PARP8: variants seen among roughly 807,000 people sequenced by gnomAD.
The protein encoded by PARP8 is poly(ADP-ribose) polymerase family member 8.
In PARP8, 51 loss-of-function variants were observed where a neutral mutation model predicts 124.1. The ratio of observed to expected loss-of-function variants is 0.41; its 90% confidence interval spans 0.33 to 0.52. The LOEUF is 0.52. Among genes scored for constraint, PARP8 ranks in the 20% least tolerant of loss-of-function variants. The pLI is 0.21. For missense variants in PARP8, 860 were observed against 1,018.9 expected (o/e 0.84, Z 2.12); for synonymous variants, 391 against 361.5 (o/e 1.08, Z -0.93).
At chr5:50,816,176 TCAATGGCAGATTATC>T in intron 15 of PARP8, among the ~76,000 whole-genome samples, 1 of 152,266 alleles carries the variant, frequency 6.6e-6, no homozygotes, top group African/African-American at 2.4e-5. Flanking sequence ...GTATGGCAGA[TCAATGGCAGATTATC>T]CCCCAAATGG....
chr5:50,791,932 G>T (rs1331682262), intron 10 of PARP8, among the ~76,000 whole-genome samples: 3 of 152,054 alleles, frequency 2.0e-5, no homozygotes, highest in Non-Finnish European at 4.4e-5. Flanking sequence ...ATATTATTTT[G>T]CTAAAGCTGT....
chr5:50,704,408 C>T (rs973630468), intron 2 of PARP8, among the ~76,000 whole-genome samples: 1 of 152,096 alleles, frequency 6.6e-6, no homozygotes, highest in African/African-American at 2.4e-5. Flanking sequence ...ATATAATTAC[C>T]TAAGTGAGCA....
At chr5:50,753,452 G>A (rs1166676369) in intron 3 of PARP8, among the ~76,000 whole-genome samples, 1 of 151,970 alleles carries the variant, frequency 6.6e-6, no homozygotes, top group Non-Finnish European at 1.5e-5. Context: ...AAATATAATT[G>A]TTTTTATACC....
intron 2 of PARP8, among the ~76,000 whole-genome samples, chr5:50,702,237 T>A (rs187953177): frequency 9.4e-4 from 143 of 152,114 alleles, no homozygotes; most frequent in Middle Eastern, 3.4e-3. Flanking sequence ...AAGTTTTTTT[T>A]AAAAAAGATA....
chr5:50,763,882 G>A (rs947022236), intron 7 of PARP8, among the ~76,000 whole-genome samples: 16 of 152,076 alleles, frequency 1.1e-4, no homozygotes, highest in African/African-American at 3.9e-4. Context: ...TGCCTACACT[G>A]TAGTCTTGAA....
In PARP8 at chr5:50,828,729, T is replaced by TTATA. The variant is rs60312448; in HGVS notation, c.2163+361_2163+364dup. Among the ~76,000 whole-genome samples, 1,255 of 146,088 alleles carry TTATA rather than the reference T, an allele frequency of 8.6e-3. 13 individuals are homozygous for TTATA. The highest frequency in any genetic ancestry group is 0.039 in the East Asian group (194 of 5,026). On this transcript the variant is annotated intron_variant, in intron 21 of 25. Transcript: ENST00000281631. ...ACCCTGTCTCTATTAAAAATACAAA[T>TTATA]TATATATATATATATATATTTATCC...
intron 17 of PARP8, among the ~76,000 whole-genome samples, chr5:50,823,808 G>C (rs559151456): frequency 6.6e-6 from 1 of 152,176 alleles, no homozygotes; most frequent in African/African-American, 2.4e-5. Flanking sequence ...ACGACTGAGC[G>C]TCAGCCTAGG....
intron 2 of PARP8, among the ~76,000 whole-genome samples, chr5:50,727,327 C>T (rs1218296678): frequency 6.6e-6 from 1 of 152,006 alleles, no homozygotes; most frequent in Non-Finnish European, 1.5e-5. Flanking sequence ...TTGGAGTGTA[C>T]CCAGTCCCCG....
At chr5:50,794,386 A>G in intron 11 of PARP8, 54 bp downstream of exon 11, 2 of 1,583,246 alleles carry the variant, frequency 1.3e-6, no homozygotes, top group Admixed American at 3.5e-5. Flanking sequence ...TGTGTGATGT[A>G]GTTCATGCTT....
At chr5:50,831,172 A>G (rs1038084973) in intron 22 of PARP8, among the ~76,000 whole-genome samples, 6 of 152,230 alleles carry the variant, frequency 3.9e-5, no homozygotes, top group Non-Finnish European at 5.9e-5. Flanking sequence ...TAACAAAAAA[A>G]GAAAAATTAG....
chr5:50,808,583 G>A (rs1387968839), intron 14 of PARP8, among the ~76,000 whole-genome samples: 9 of 152,026 alleles, frequency 5.9e-5, no homozygotes, highest in African/African-American at 2.2e-4. Context: ...CTGGGGAGAT[G>A]TGTGACCTTC....
At position 50,795,023 on chromosome 5, in the gene PARP8, C is replaced by G; in HGVS notation, c.1034C>G (p.Ser345Cys). The change falls in exon 12 of 26, where the codon TCC becomes TGC. Residue 345 changes from serine (S) to cysteine (C), a missense_variant. Coordinates refer to ENST00000281631, the MANE Select transcript of PARP8 (RefSeq NM_024615.4). The part of the protein sequence containing the change: ...KSHRTFGRSL[S>C]SDPRAEQAMT... ...CACAGGACCTTTGGCCGCTCCTTGT[C>G]CAGCGATCCCAGGGCGGAGCAGGCT... The G allele has an allele frequency of 1.9e-6, 3 of 1,614,206 alleles. No individual in the cohort carries two copies. Among genetic ancestry groups the G allele is most frequent in the Non-Finnish European group, 2.5e-6 (3 of 1,180,036 alleles).
chr5:50,827,236 A>G lies in PARP8; in HGVS notation c.1977+433A>G, dbSNP rs561905702. Reference sequence around the variant, plus strand: ...AAAAAATAATAATTTGTAAAAAGCTAATAGACTCTGGATTTCAGTTCTGAT... The same window carrying G: ...AAAAAATAATAATTTGTAAAAAGCTGATAGACTCTGGATTTCAGTTCTGAT... On this transcript the variant is annotated intron_variant, in intron 19 of 25. Transcript: ENST00000281631. Among the ~76,000 whole-genome samples, 5 of 152,292 alleles carry G rather than the reference A, an allele frequency of 3.3e-5. No homozygotes were observed. In the East Asian group the frequency reaches 9.6e-4, roughly 29 times the overall value.
chr5:50,806,604 A>T (rs1241838748), intron 14 of PARP8, among the ~76,000 whole-genome samples: 1 of 152,048 alleles, frequency 6.6e-6, no homozygotes. Context: ...ACTGATACCT[A>T]AGGAAATCAG....
chr5:50,815,576 C>A, intron 15 of PARP8, 52 bp downstream of exon 15: 1 of 1,325,462 alleles, frequency 7.5e-7, no homozygotes, highest in Non-Finnish European at 1.0e-6. Context: ...AAAATTTGTT[C>A]CAGTCCACTA....
intron 14 of PARP8, among the ~76,000 whole-genome samples, chr5:50,806,410 T>A (rs561457392): frequency 1.3e-5 from 2 of 152,192 alleles, no homozygotes; most frequent in African/African-American, 4.8e-5. Context: ...GTAGTGGAAA[T>A]ACTAGTTACT....
chr5:50,676,283 G>A (rs1056093142), intron 2 of PARP8, among the ~76,000 whole-genome samples: 2 of 152,168 alleles, frequency 1.3e-5, no homozygotes, highest in African/African-American at 2.4e-5. Context: ...ATATTGAGCC[G>A]GGAAGAATTT....
chr5:50,713,037 AC>A, intron 2 of PARP8, among the ~76,000 whole-genome samples: 1 of 151,998 alleles, frequency 6.6e-6, no homozygotes, highest in Non-Finnish European at 1.5e-5. Context: ...AGATGGCTTG[AC>A]TTTCAAAACC....
At chr5:50,726,789 T>C (rs760083495) in intron 2 of PARP8, among the ~76,000 whole-genome samples, 1 of 152,134 alleles carries the variant, frequency 6.6e-6, no homozygotes, top group East Asian at 1.9e-4. Context: ...GGATCATCTC[T>C]GTCCTCATGC....
Sources: allele counts gnomAD v4.1 joint callset (sites outside exome capture counted in the v4.1 genomes callset), GRCh38; gene constraint gnomAD v4.1.1; transcripts MANE v1.5; gene names NCBI Gene and HGNC (gene_info 2026-07-23, HGNC 2026-07-21).